Variants in OTOGL observed in about 807,000 individuals in gnomAD.
OTOGL encodes the protein otogelin-like protein.
A neutral mutation model predicts 318.5 loss-of-function variants in OTOGL; 285 were observed. The observed-to-expected ratio is 0.89, with a 90% CI of 0.81 to 0.99. The LOEUF (loss-of-function observed/expected upper bound fraction) is 0.99. OTOGL is among the 50% of genes least tolerant of loss of function. The pLI, the probability that OTOGL is intolerant of heterozygous loss-of-function variation, is 0.00. For synonymous variants in OTOGL, 987 were observed against 936.5 expected, an observed-to-expected ratio of 1.05 and a Z score of -0.99; for missense variants, 2,899 against 2,845.6, an observed-to-expected ratio of 1.02 and a Z score of -0.43.
In OTOGL at chr12:80,378,031, A is replaced by G. The variant is rs1891268471; in HGVS notation, c.7045A>G (p.Thr2349Ala). The G allele has an allele frequency of 1.3e-6, 2 of 1,582,380 alleles. No homozygotes were observed. Among genetic ancestry groups the G allele is most frequent in the Non-Finnish European group, 1.7e-6 (2 of 1,161,614 alleles). ...MYTLQEPIDC[T>A]CQWN Reference sequence around the variant, plus strand: ...CACTCTCCAGGAACCCATAGACTGTACGTGCCAGTGGAATTAAACCCTTGG... The same window carrying G: ...CACTCTCCAGGAACCCATAGACTGTGCGTGCCAGTGGAATTAAACCCTTGG... Residue 2349 changes from threonine to alanine, a missense_variant, in exon 59 of 59, where the codon ACG (threonine) becomes GCG (alanine). By Grantham distance (58) the Thr-to-Ala change is moderately conservative. Transcript: ENST00000547103.
chr12:80,343,526 T>TTTTTTTTTTTTTTTTTTTTTTTTC (rs1555301044), intron 44 of OTOGL: 2 of 118,160 alleles, frequency 1.7e-5, no homozygotes, highest in African/African-American at 4.6e-5. Context: ...TTTTTTTTTT[T>TTTTTTTTTTTTTTTTTTTTTTTTC]TTTTTTTTTT....
At chr12:80,303,232 T>C (rs1301967411) in intron 28 of OTOGL, among the ~76,000 whole-genome samples, 1 of 152,178 alleles carries the variant, frequency 6.6e-6, no homozygotes, top group Non-Finnish European at 1.5e-5. Flanking sequence ...CTCAGCTCAC[T>C]GCAAGCTCCG....
intron 26 of OTOGL, among the ~76,000 whole-genome samples, chr12:80,285,941 T>G (rs1204808828): frequency 6.6e-6 from 1 of 152,190 alleles, no homozygotes; most frequent in African/African-American, 2.4e-5. Context: ...GGCATCCTTG[T>G]CTTGTGCCGG....
chr12:80,208,354 A>G, intron 1 of OTOGL: 1 of 405,658 alleles, frequency 2.5e-6, no homozygotes, highest in Non-Finnish European at 4.8e-6. Context: ...AAGTCATTGC[A>G]GAAGAGTTGT....
intron 1 of OTOGL, among the ~76,000 whole-genome samples, chr12:80,142,857 A>G (rs779293562): frequency 6.6e-6 from 1 of 152,196 alleles, no homozygotes; most frequent in Non-Finnish European, 1.5e-5. Context: ...GGGAAGATGT[A>G]GAGATACAGC....
intron 46 of OTOGL, among the ~76,000 whole-genome samples, chr12:80,355,234 T>C (rs1435363410): frequency 2.8e-5 from 4 of 141,548 alleles, no homozygotes; most frequent in Non-Finnish European, 3.1e-5. Flanking sequence ...CTTTTCTTTT[T>C]TTTTTTTTTT....
intron 1 of OTOGL, among the ~76,000 whole-genome samples, chr12:80,146,427 A>G (rs1387512120): frequency 6.6e-6 from 1 of 151,334 alleles, no homozygotes; most frequent in Admixed American, 6.6e-5. Context: ...CATGGTGGAT[A>G]AGCTTTTTGA....
intron 7 of OTOGL, 114 bp downstream of exon 7, chr12:80,222,359 A>G (rs1878434508): frequency 9.1e-7 from 1 of 1,095,286 alleles, no homozygotes; most frequent in Admixed American, 3.1e-5. Context: ...ATGAATACTT[A>G]TTTTGAAGAG....
chr12:80,292,832 C>A (rs907234619), intron 26 of OTOGL, among the ~76,000 whole-genome samples: 5 of 152,054 alleles, frequency 3.3e-5, no homozygotes, highest in Non-Finnish European at 7.4e-5. Context: ...AAAAATAACT[C>A]AAAGAAAGTT....
intron 29 of OTOGL, among the ~76,000 whole-genome samples, chr12:80,310,046 G>A (rs564805336): frequency 3.3e-5 from 5 of 152,318 alleles, no homozygotes; most frequent in Admixed American, 3.3e-4. Flanking sequence ...AAAACCAAAT[G>A]AGGAGAGACA....
At chr12:80,332,102 G>A (rs927907488) in intron 37 of OTOGL, among the ~76,000 whole-genome samples, 9 of 152,092 alleles carry the variant, frequency 5.9e-5, no homozygotes, top group African/African-American at 2.2e-4. Context: ...CCTACTAATA[G>A]CTTGATTTTA....
intron 18 of OTOGL, among the ~76,000 whole-genome samples, chr12:80,259,493 G>C (rs775840035): frequency 6.6e-6 from 1 of 151,822 alleles, no homozygotes. Context: ...TTTAAGCCCC[G>C]CATGCATTAG....
chr12:80,234,376 T>C (rs1163658724), intron 9 of OTOGL, among the ~76,000 whole-genome samples: 1 of 152,178 alleles, frequency 6.6e-6, no homozygotes, highest in Non-Finnish European at 1.5e-5. Flanking sequence ...AAGTGCTATA[T>C]AATACTTCCG....
At chr12:80,231,429 G>A (rs940108926) in intron 8 of OTOGL, among the ~76,000 whole-genome samples, 5 of 151,902 alleles carry the variant, frequency 3.3e-5, no homozygotes, top group African/African-American at 1.2e-4. Context: ...CAGATATTTT[G>A]AATTGTTTCT....
At position 80,161,666 on chromosome 12, in the gene OTOGL, C is replaced by T. The variant is rs577911670; in HGVS notation, c.-19-47747C>T. ...CTAAGTTCTCATGGCACTGAAAGAA[C>T]GGTGCTACCGTTAGTAGAAATATAC... On this transcript the variant is annotated intron_variant, in intron 1 of 58. Transcript: ENST00000547103. 4.0e-4 allele frequency among the ~76,000 whole-genome samples: 61 copies of T among 152,032 alleles called. 1 individual carries two copies. Among genetic ancestry groups the T allele is most frequent in the South Asian group, 2.1e-4 (1 of 4,814 alleles).
intron 29 of OTOGL, among the ~76,000 whole-genome samples, chr12:80,308,401 A>G (rs938824729): frequency 6.7e-6 from 1 of 150,116 alleles, no homozygotes; most frequent in Admixed American, 6.6e-5. Context: ...CCCACATCTC[A>G]GACGATGGGC....
Position 80,368,213 on chromosome 12 carries a change from A to G in OTOGL, c.6519A>G (p.Val2173=), listed in dbSNP as rs370122451. The G allele has an allele frequency of 1.1e-5, 18 of 1,593,858 alleles. No individual in the cohort carries two copies. Among genetic ancestry groups the G allele is most frequent in the Non-Finnish European group, 1.4e-5 (16 of 1,166,776 alleles). ...AATATCATTATATGCAGCACCAGGTATATACTCCATCCCCAAGTGATTATG... is the reference window on the plus strand; with the variant it reads ...AATATCATTATATGCAGCACCAGGTGTATACTCCATCCCCAAGTGATTATG... ...NCSKKCDVHQ[V]YTPSPSDYGC... Residue 2173 remains valine (V), a synonymous_variant, in exon 55 of 59, where the codon GTA becomes GTG. Transcript: ENST00000547103.
chr12:80,280,851 G>C (rs553741311), intron 26 of OTOGL, among the ~76,000 whole-genome samples: 1 of 151,888 alleles, frequency 6.6e-6, no homozygotes, highest in Non-Finnish European at 1.5e-5. Flanking sequence ...CCATTTGTTT[G>C]TGTCGTCTTG....
intron 1 of OTOGL, among the ~76,000 whole-genome samples, chr12:80,148,726 C>A (rs1244934168): frequency 1.3e-5 from 2 of 152,198 alleles, no homozygotes; most frequent in Non-Finnish European, 2.9e-5. Context: ...CACATAGTCC[C>A]ATATTTCTTG....
Sources: gnomAD v4.1 joint callset for allele counts (sites outside exome capture counted in the v4.1 genomes callset) on GRCh38, gnomAD v4.1.1 for gene constraint, MANE v1.5 for transcripts, NCBI Gene and HGNC (gene_info 2026-07-23, HGNC 2026-07-21) for gene names.